The following C2CD3 variants were observed in gnomAD, a reference collection of about 807,000 sequenced individuals.
The protein encoded by C2CD3 is C2 domain-containing protein 3.
A neutral mutation model predicts 234.0 loss-of-function variants in C2CD3; 148 were observed. The observed-to-expected ratio is 0.63, with a 90% confidence interval of 0.55 to 0.72. The LOEUF (loss-of-function observed/expected upper bound fraction) is 0.72. Among genes scored for constraint, C2CD3 ranks in the 30% least tolerant of loss-of-function variants. The pLI is 0.00. For missense variants in C2CD3, 2,577 were observed against 2,811.5 expected, an observed-to-expected ratio of 0.92 and a Z score of 1.89; for synonymous variants, 1,000 against 1,035.4, an observed-to-expected ratio of 0.97 and a Z score of 0.66.
chr11:74,069,249 G>A (rs1954687498), intron 24 of C2CD3, among the ~76,000 whole-genome samples: 2 of 152,206 alleles, frequency 1.3e-5, no homozygotes, highest in Non-Finnish European at 2.9e-5. Flanking sequence ...GCTTGGGAGA[G>A]CAGGTCTATC....
chr11:74,111,917 GAT>G (rs1565306585), intron 11 of C2CD3, among the ~76,000 whole-genome samples: 5 of 72,980 alleles, frequency 6.9e-5, no homozygotes, highest in African/African-American at 3.4e-4. Context: ...CATATTTGCT[GAT>G]ACACACACAC....
At chr11:74,054,816 A>T in intron 25 of C2CD3, 145 bp from the exon 26 acceptor site, 1 of 551,154 alleles carries the variant, frequency 1.8e-6, no homozygotes, top group East Asian at 3.2e-5. Flanking sequence ...ATATATTTTT[A>T]TCTTCACAGT....
chr11:74,107,790 AT>A (rs1956581488), intron 12 of C2CD3: 1 of 152,162 alleles, frequency 6.6e-6, no homozygotes, highest in Non-Finnish European at 1.5e-5. Flanking sequence ...ATTACAGGCA[AT>A]TTTTGCCTTT....
chr11:74,109,713 A>C, intron 11 of C2CD3, among the ~76,000 whole-genome samples: 1 of 152,170 alleles, frequency 6.6e-6, no homozygotes, highest in East Asian at 1.9e-4. Flanking sequence ...CTATAAGTGT[A>C]AGTGGATAAA....
At chr11:74,122,918 T>G (rs1415577775) in intron 8 of C2CD3, 70 bp downstream of exon 8, 6 of 595,818 alleles carry the variant, frequency 1.0e-5, no homozygotes, top group Non-Finnish European at 1.2e-5. Flanking sequence ...ATAGCTGTCA[T>G]GCCTGCAGCT....
rs1406383537 is a variant in C2CD3 at position 74,048,308 on chromosome 11, C to G, written c.5392G>C (p.Ala1798Pro). 2 of 1,613,430 alleles carry G rather than the reference C, an allele frequency of 1.2e-6. No homozygotes were observed. The highest frequency in any genetic ancestry group is 1.7e-6 in the Non-Finnish European group (2 of 1,179,724). Reference protein sequence around the residue: ...IPIYSPFSFPASDTYAAFSSH... With the variant: ...IPIYSPFSFPPSDTYAAFSSH... ...GAGAATGCAGCATACGTATCAGAGG[C>G]AGGGAAGGAAAAGGGACTGTATATT... Residue 1798 changes from alanine (A) to proline (P), a missense_variant, in exon 28 of 33, where the codon GCC becomes CCC. Ala to Pro is a conservative substitution (Grantham distance 27). Coordinates refer to ENST00000334126, the MANE Select transcript of C2CD3 (RefSeq NM_001286577.2).
chr11:74,014,932 CA>C (rs1565196335), intron 32 of C2CD3, among the ~76,000 whole-genome samples: 1 of 152,204 alleles, frequency 6.6e-6, no homozygotes, highest in East Asian at 1.9e-4. Flanking sequence ...TAACCAAGAG[CA>C]AAGTGATACT....
chr11:74,066,279 T>C (rs1453771772), intron 24 of C2CD3, among the ~76,000 whole-genome samples: 94 of 2,748 alleles, frequency 0.034, no homozygotes, highest in East Asian at 0.08. Context: ...GGGGGAGGGA[T>C]AGTGTTAGGA....
intron 11 of C2CD3, among the ~76,000 whole-genome samples, chr11:74,111,709 C>G (rs942028728): frequency 6.6e-6 from 1 of 152,098 alleles, no homozygotes; most frequent in African/African-American, 2.4e-5. Flanking sequence ...GTCCAACCCA[C>G]AAGTGGCCCA....
intron 25 of C2CD3, among the ~76,000 whole-genome samples, chr11:74,055,823 A>G (rs1394841485): frequency 1.3e-5 from 2 of 152,242 alleles, no homozygotes; most frequent in Non-Finnish European, 2.9e-5. Context: ...CCAACAGACT[A>G]TGTAGCCTCC....
At chr11:74,046,063 C>T (rs1953358531) in intron 28 of C2CD3, among the ~76,000 whole-genome samples, 1 of 152,074 alleles carries the variant, frequency 6.6e-6, no homozygotes, top group Non-Finnish European at 1.5e-5. Flanking sequence ...GTTTAAGAAC[C>T]ACTGCTTTAT....
chr11:74,082,668 G>A (rs1955441042), intron 22 of C2CD3, among the ~76,000 whole-genome samples: 1 of 152,096 alleles, frequency 6.6e-6, no homozygotes, highest in African/African-American at 2.4e-5. Flanking sequence ...TTTTTGATAT[G>A]CTGCTGGATT....
rs539155994 is a variant in C2CD3, at chr11:74,031,453, C to T, written c.6809+1898G>A. Among the ~76,000 whole-genome samples the T allele has an allele frequency of 4.9e-4, 75 of 152,328 alleles. 1 individual carries two copies. The highest frequency in any genetic ancestry group is 8.7e-4 in the Non-Finnish European group (59 of 68,028). On this transcript the variant is annotated intron_variant, in intron 31 of 32. Transcript: ENST00000334126. ...TGTCCTGACTAGAACTTTTCCTTGT[C>T]TCTATTGCACAATGCCTATTCATCT... is the stretch of plus-strand genomic sequence containing the variant.
intron 3 of C2CD3, among the ~76,000 whole-genome samples, chr11:74,151,047 TC>T (rs1855618234): frequency 6.6e-6 from 1 of 151,968 alleles, no homozygotes; most frequent in Admixed American, 6.6e-5. Flanking sequence ...TGCCTTAGCC[TC>T]CTGAGTAGCT....
At chr11:74,162,246 TG>T (rs1195355574) in intron 2 of C2CD3, among the ~76,000 whole-genome samples, 11 of 152,276 alleles carry the variant, frequency 7.2e-5, no homozygotes, top group African/African-American at 2.4e-4. Flanking sequence ...AGCTCTATAC[TG>T]ATATGGAACA....
At chr11:74,048,394 A>G in intron 27 of C2CD3, 56 bp from the exon 28 acceptor site, 4 of 1,575,822 alleles carry the variant, frequency 2.5e-6, no homozygotes, top group Non-Finnish European at 3.5e-6. Context: ...ATTCGTAACA[A>G]AGCAGTATAT....
rs763872443 is a variant in C2CD3, at chr11:74,034,535, C to G, written c.5882-257G>C. 4 of 1,612,608 alleles carry G rather than the reference C, an allele frequency of 2.5e-6. No homozygotes were observed. In the South Asian group the frequency reaches 4.4e-5, roughly 18 times the overall value. ...TGGAAATGCTTTCAGAGACTATCTG[C>G]TCATGCTCAGGAATCGTTGGGAGCT... On this transcript the variant is annotated intron_variant, in intron 30 of 32. Coordinates refer to ENST00000334126, the MANE Select transcript of C2CD3 (RefSeq NM_001286577.2).
At chr11:74,062,809 C>A (rs1296746352) in intron 24 of C2CD3, among the ~76,000 whole-genome samples, 6 of 151,542 alleles carry the variant, frequency 4.0e-5, no homozygotes, top group Admixed American at 3.9e-4. Flanking sequence ...ACACAAAAAA[C>A]CCTTCAAAAA....
chr11:74,105,228 G>C (rs1317738206), intron 13 of C2CD3, among the ~76,000 whole-genome samples: 1 of 152,074 alleles, frequency 6.6e-6, no homozygotes, highest in Non-Finnish European at 1.5e-5. Flanking sequence ...TTTATCCTTT[G>C]GGTGATTGGG....
Sources: gnomAD v4.1 joint callset for allele counts (sites outside exome capture counted in the v4.1 genomes callset) on GRCh38, gnomAD v4.1.1 for gene constraint, MANE v1.5 for transcripts, NCBI Gene and HGNC (gene_info 2026-07-23, HGNC 2026-07-21) for gene names.